MNAT1: variants seen among roughly 807,000 people sequenced by gnomAD.
MNAT1 encodes CDK-activating kinase assembly factor MAT1.
In MNAT1, 43 loss-of-function variants were observed where a neutral mutation model predicts 42.0. That is an observed-to-expected ratio of 1.02 (90% CI 0.80 to 1.32). The LOEUF (loss-of-function observed/expected upper bound fraction) is 1.32, where lower values mean the gene tolerates loss of function less well. Ranked by LOEUF, MNAT1 falls within the 40% of genes most tolerant of loss-of-function variation. The pLI, the probability that MNAT1 is intolerant of heterozygous loss-of-function variation, is 0.00. For synonymous variants in MNAT1, 118 were observed against 120.0 expected (o/e 0.98, Z 0.11); for missense variants, 306 against 350.4 (o/e 0.87, Z 1.01).
chr14:60,751,944 G>C (rs2030112908), intron 1 of MNAT1, among the ~76,000 whole-genome samples: 1 of 152,006 alleles, frequency 6.6e-6, no homozygotes, highest in African/African-American at 2.4e-5. Context: ...TCTAATTTCA[G>C]GTAACTGAAG....
At chr14:60,903,522 A>G (rs903970573) in intron 7 of MNAT1, among the ~76,000 whole-genome samples, 2 of 152,196 alleles carry the variant, frequency 1.3e-5, no homozygotes, top group Non-Finnish European at 2.9e-5. Flanking sequence ...TAATTCACAT[A>G]CAATAAAATA....
chr14:60,827,995 T>C (rs2033102784), intron 6 of MNAT1, among the ~76,000 whole-genome samples: 1 of 152,184 alleles, frequency 6.6e-6, no homozygotes, highest in South Asian at 2.1e-4. Context: ...TTCTTAAAAC[T>C]TAAGATAATC....
intron 1 of MNAT1, among the ~76,000 whole-genome samples, chr14:60,788,209 A>G (rs1395706606): frequency 2.0e-5 from 3 of 152,136 alleles, no homozygotes; most frequent in Admixed American, 2.0e-4. Context: ...GCACATATCC[A>G]TCAGAGGTCT....
At chr14:60,959,822 T>C (rs1385763291) in intron 7 of MNAT1, among the ~76,000 whole-genome samples, 1 of 152,186 alleles carries the variant, frequency 6.6e-6, no homozygotes, top group East Asian at 1.9e-4. Flanking sequence ...TCTTTATAGC[T>C]TTGTCATATT....
At chr14:60,917,611 T>TG (rs369321957) in intron 7 of MNAT1, among the ~76,000 whole-genome samples, 2 of 149,682 alleles carry the variant, frequency 1.3e-5, no homozygotes, top group Admixed American at 1.3e-4. Flanking sequence ...TTGAGTTTTG[T>TG]TTTTTTTTTG....
At chr14:60,774,430 A>G (rs4151177) in intron 1 of MNAT1, among the ~76,000 whole-genome samples, 140,629 of 152,192 alleles carry the variant, frequency 0.92, 65,530 homozygotes, top group Non-Finnish European at 0.99. Flanking sequence ...AGTATCTTCA[A>G]TGGTGTGGTA....
intron 1 of MNAT1, among the ~76,000 whole-genome samples, chr14:60,785,027 A>G (rs373797159): frequency 3.3e-5 from 5 of 151,786 alleles, no homozygotes; most frequent in East Asian, 3.9e-4. Context: ...TAATTTTTGT[A>G]TTTTTAGTAG....
intron 7 of MNAT1, among the ~76,000 whole-genome samples, chr14:60,943,843 C>G (rs1005604568): frequency 6.6e-6 from 1 of 152,082 alleles, no homozygotes; most frequent in Non-Finnish European, 1.5e-5. Flanking sequence ...CCATATGGAG[C>G]CCTGCCTTCT....
intron 7 of MNAT1, among the ~76,000 whole-genome samples, chr14:60,909,730 T>G (rs1189819694): frequency 2.6e-5 from 4 of 152,222 alleles, no homozygotes; most frequent in Non-Finnish European, 5.9e-5. Context: ...ACTGTAGCCT[T>G]GTAATATAGT....
intron 7 of MNAT1, among the ~76,000 whole-genome samples, chr14:60,880,970 C>A (rs2034537493): frequency 6.6e-6 from 1 of 152,110 alleles, no homozygotes; most frequent in African/African-American, 2.4e-5. Context: ...ATGATGTAGA[C>A]ATTTATTTCT....
At chr14:60,866,377 G>A (rs1158191663) in intron 6 of MNAT1, among the ~76,000 whole-genome samples, 2 of 139,436 alleles carry the variant, frequency 1.4e-5, no homozygotes, top group African/African-American at 5.3e-5. Context: ...CAGTATAGCT[G>A]TGTTGAACTA....
intron 1 of MNAT1, among the ~76,000 whole-genome samples, chr14:60,783,320 G>A (rs991882538): frequency 1.3e-5 from 2 of 152,112 alleles, no homozygotes; most frequent in Non-Finnish European, 2.9e-5. Context: ...ACTATGACCT[G>A]GACAGGTCAT....
chr14:60,948,225 G>A (rs916993812), intron 7 of MNAT1, among the ~76,000 whole-genome samples: 1 of 152,116 alleles, frequency 6.6e-6, no homozygotes, highest in African/African-American at 2.4e-5. Context: ...GAGGCCAGGA[G>A]TTCGAGAACA....
At chr14:60,923,552 A>G (rs1174345959) in intron 7 of MNAT1, among the ~76,000 whole-genome samples, 1 of 152,202 alleles carries the variant, frequency 6.6e-6, no homozygotes. Context: ...ACAGTATTTC[A>G]TAACATAATT....
chr14:60,746,827 T>C (rs1221281067), intron 1 of MNAT1, among the ~76,000 whole-genome samples: 1 of 145,156 alleles, frequency 6.9e-6, no homozygotes, highest in Non-Finnish European at 1.5e-5. Context: ...TTACTAATTA[T>C]ATTATTTGTA....
At chr14:60,907,845 G>A (rs186198091) in intron 7 of MNAT1, among the ~76,000 whole-genome samples, 1 of 147,724 alleles carries the variant, frequency 6.8e-6, no homozygotes, top group East Asian at 2.0e-4. Context: ...GATTGCAACA[G>A]TATTGCACTT....
chr14:60,947,951 T>C lies in MNAT1; in HGVS notation c.810-20278T>C, dbSNP rs142556130. On this transcript the variant is annotated intron_variant, in intron 7 of 7. Coordinates refer to ENST00000261245, the MANE Select transcript of MNAT1 (RefSeq NM_002431.4). ...TTCTTCTTGCTGCTATGTCATGTAA[T>C]TGGACAGTTAAGGCCTGTAGAGCTG... Among the ~76,000 whole-genome samples, 138 of 152,330 alleles carry C rather than the reference T, an allele frequency of 9.1e-4. 1 individual carries two copies. Among genetic ancestry groups the C allele is most frequent in the African/African-American group, 3.1e-3 (127 of 41,570 alleles).
At chr14:60,837,696 CAGAGCCTCTCCT>C (rs1170753903) in intron 6 of MNAT1, among the ~76,000 whole-genome samples, 1 of 152,214 alleles carries the variant, frequency 6.6e-6, no homozygotes, top group East Asian at 1.9e-4. Context: ...TACTTTTAAT[CAGAGCCTCTCCT>C]AGATGCTGCC....
At chr14:60,805,501 A>G (rs1181621319) in intron 3 of MNAT1, among the ~76,000 whole-genome samples, 1 of 152,150 alleles carries the variant, frequency 6.6e-6, no homozygotes, top group East Asian at 1.9e-4. Context: ...ATGTGTATCT[A>G]CCATTATATC....
Sources: gnomAD v4.1 joint callset for allele counts (sites outside exome capture counted in the v4.1 genomes callset) on GRCh38, gnomAD v4.1.1 for gene constraint, MANE v1.5 for transcripts, NCBI Gene and HGNC (gene_info 2026-07-23, HGNC 2026-07-21) for gene names.